The following WDFY4 variants were observed in gnomAD, a reference collection of about 807,000 sequenced individuals.
WDFY4 encodes WDFY family member 4, also known as WD repeat- and FYVE domain-containing protein 4.
A neutral mutation model predicts 351.9 loss-of-function variants in WDFY4; 169 were observed. The observed-to-expected ratio is 0.48, with a 90% CI of 0.42 to 0.55. WDFY4 has a LOEUF of 0.55. WDFY4 is among the 20% of genes least tolerant of loss of function. The pLI is 0.00. For missense variants in WDFY4, 3,803 were observed against 3,935.6 expected (o/e 0.97, Z 0.90); for synonymous variants, 1,622 against 1,574.6 (o/e 1.03, Z -0.71).
chr10:48,770,078 A>G (rs2065811247), intron 13 of WDFY4, among the ~76,000 whole-genome samples: 1 of 152,084 alleles, frequency 6.6e-6, no homozygotes, highest in Admixed American at 6.5e-5. Flanking sequence ...CTAAAACCCC[A>G]TTTTACTGGA....
At chr10:48,718,100 A>G (rs935944421) in intron 2 of WDFY4, among the ~76,000 whole-genome samples, 1 of 152,214 alleles carries the variant, frequency 6.6e-6, no homozygotes, top group Non-Finnish European at 1.5e-5. Flanking sequence ...AACATATAAA[A>G]TATTGAGGTT....
intron 11 of WDFY4, among the ~76,000 whole-genome samples, chr10:48,736,827 C>T (rs1350302607): frequency 6.6e-6 from 1 of 152,110 alleles, no homozygotes; most frequent in Non-Finnish European, 1.5e-5. Context: ...GGGAGAGAAC[C>T]TGTGAGCTGT....
intron 12 of WDFY4, among the ~76,000 whole-genome samples, chr10:48,745,231 T>A (rs2064973186): frequency 6.6e-6 from 1 of 152,240 alleles, no homozygotes; most frequent in Non-Finnish European, 1.5e-5. Flanking sequence ...TGTTACAGTG[T>A]TTCTAGTCAT....
chr10:48,777,963 T>A (rs887055699), intron 17 of WDFY4, among the ~76,000 whole-genome samples: 1 of 152,216 alleles, frequency 6.6e-6, no homozygotes, highest in Non-Finnish European at 1.5e-5. Context: ...CTGCCTTAGA[T>A]CTCTCTCTAG....
chr10:48,950,931 C>T lies in WDFY4; in HGVS notation c.7977+3962C>T, dbSNP rs1025445510. 5.9e-5 allele frequency among the ~76,000 whole-genome samples: 9 copies of T among 152,348 alleles called. No individual in the cohort carries two copies. In the South Asian group the frequency reaches 6.2e-4, roughly 11 times the overall value. ...CTGCCATGGAGCACCTTTGCTGTCA[C>T]GTACTGTATGCCTGTGTGGCACACC... On this transcript the variant is annotated intron_variant, in intron 51 of 61. Transcript: ENST00000325239.
intron 5 of WDFY4, among the ~76,000 whole-genome samples, 193 bp downstream of exon 5, chr10:48,723,760 A>C (rs980880007): frequency 2.2e-4 from 33 of 152,108 alleles, no homozygotes; most frequent in African/African-American, 8.0e-4. Context: ...ATAGTAGCCA[A>C]AATTTTCTAA....
intron 2 of WDFY4, among the ~76,000 whole-genome samples, chr10:48,717,332 G>A (rs1457022184): frequency 6.6e-6 from 1 of 152,176 alleles, no homozygotes; most frequent in East Asian, 1.9e-4. Flanking sequence ...TTTTAGCAAA[G>A]TTCTAACCCG....
chr10:48,877,302 T>A, intron 43 of WDFY4, 103 bp downstream of exon 43: 1 of 1,066,026 alleles, frequency 9.4e-7, no homozygotes, highest in Non-Finnish European at 1.3e-6. Context: ...GGGAATGAGA[T>A]CTCCATTTGC....
chr10:48,784,605 A>G (rs1389467293), intron 19 of WDFY4, among the ~76,000 whole-genome samples: 3 of 122,412 alleles, frequency 2.5e-5, no homozygotes, highest in Non-Finnish European at 4.7e-5. Context: ...GAAGTGGTGC[A>G]ATCTCGGCTC....
chr10:48,845,603 C>T (rs1352674654), intron 39 of WDFY4, among the ~76,000 whole-genome samples: 5 of 152,142 alleles, frequency 3.3e-5, no homozygotes, highest in South Asian at 4.1e-4. Context: ...GATGGACCCT[C>T]GTGATCATCT....
intron 1 of WDFY4, among the ~76,000 whole-genome samples, chr10:48,689,141 C>G (rs1182880331): frequency 2.6e-5 from 4 of 151,958 alleles, no homozygotes; most frequent in Non-Finnish European, 5.9e-5. Flanking sequence ...ATGAACTTCT[C>G]AGAGTTCCTA....
chr10:48,941,952 CTTATTAT>C (rs1840788842), intron 48 of WDFY4, 104 bp downstream of exon 48: 2 of 1,093,406 alleles, frequency 1.8e-6, no homozygotes, highest in African/African-American at 3.2e-5. Flanking sequence ...AAGAAGGGAT[CTTATTAT>C]TTATTATTAT....
intron 39 of WDFY4, among the ~76,000 whole-genome samples, chr10:48,838,133 C>G (rs958111777): frequency 6.6e-6 from 1 of 152,168 alleles, no homozygotes; most frequent in Non-Finnish European, 1.5e-5. Context: ...GCACCAGAAG[C>G]GTGAGGATGA....
rs373597879 is a variant in WDFY4 at position 48,725,846 on chromosome 10, A to G, written c.592-35A>G. 78 of 1,519,872 alleles carry G rather than the reference A, an allele frequency of 5.1e-5. 1 individual carries two copies. The highest frequency in any genetic ancestry group is 4.6e-4 in the South Asian group (38 of 83,164). The allele number at this position is 1,519,872 out of a possible 1,614,324, so 94.1% of individuals were successfully genotyped here. ...ATCTGAGGAAGGAGACTTCCTAACC[A>G]GGTCTCCTTGACTGTTTATCTTCTT... On this transcript the variant is annotated intron_variant, in intron 5 of 61. Transcript: ENST00000325239.
chr10:48,945,251 C>A (rs577444127), intron 49 of WDFY4, among the ~76,000 whole-genome samples: 180 of 152,244 alleles, frequency 1.2e-3, no homozygotes, highest in African/African-American at 4.1e-3. Context: ...TGGCACGCAC[C>A]TGTAGTCCCA....
chr10:48,865,065 T>C (rs2069493846), intron 39 of WDFY4, among the ~76,000 whole-genome samples: 1 of 152,220 alleles, frequency 6.6e-6, no homozygotes, highest in Admixed American at 6.5e-5. Context: ...TTTTCTTGTC[T>C]GGTTGTCCTG....
chr10:48,805,285 G>T lies in WDFY4; in HGVS notation c.4510G>T (p.Ala1504Ser). ...GGAAGGACCCAGGAATGCTGAAGCT[G>T]CCCACCAGGCACAGCTTATACCCAA... ...PREGPRNAEAAHQAQLIPKLI... is the reference protein window; with the variant it reads ...PREGPRNAEASHQAQLIPKLI... Residue 1504 changes from alanine to serine, a missense_variant, in exon 26 of 62, where the codon GCC (alanine) becomes TCC (serine). Physicochemically the swap from Ala to Ser is moderately conservative, Grantham distance 99. Transcript: ENST00000325239. 6.5e-7 allele frequency: 1 copy of T among 1,545,664 alleles called. No homozygotes were observed.
intron 43 of WDFY4, among the ~76,000 whole-genome samples, chr10:48,877,615 A>G (rs971721042): frequency 6.6e-6 from 1 of 152,142 alleles, no homozygotes; most frequent in Non-Finnish European, 1.5e-5. Flanking sequence ...ATGTGTTTGG[A>G]CACCCCAACC....
Position 48,720,070 on chromosome 10 carries a change from C to T in WDFY4, c.294C>T (p.Asp98=), listed in dbSNP as rs765554817. The T allele has an allele frequency of 4.2e-5, 65 of 1,551,670 alleles. No homozygotes were observed. The South Asian group carries it at 5.7e-4, about 14-fold the overall frequency. ...CFPSLQRLAE[D]VSDQLAQQLQ... Reference sequence around the variant, plus strand: ...CCAGTCTCCAAAGGCTGGCTGAAGACGTGTCTGACCAGCTTGCCCAGCAAC... The same window carrying T: ...CCAGTCTCCAAAGGCTGGCTGAAGATGTGTCTGACCAGCTTGCCCAGCAAC... Residue 98 remains aspartate, a synonymous_variant, in exon 3 of 62, where the codon GAC becomes GAT. Transcript: ENST00000325239.
Sources: gnomAD v4.1 joint callset for allele counts (sites outside exome capture counted in the v4.1 genomes callset) on GRCh38, gnomAD v4.1.1 for gene constraint, MANE v1.5 for transcripts, NCBI Gene and HGNC (gene_info 2026-07-23, HGNC 2026-07-21) for gene names.